The following ESRRB variants were observed in gnomAD, a reference collection of about 807,000 sequenced individuals.
ESRRB encodes estrogen related receptor beta.
In ESRRB, 16 loss-of-function variants were observed where a neutral mutation model predicts 46.0. The observed-to-expected ratio is 0.35, with a 90% CI of 0.24 to 0.53. The LOEUF (loss-of-function observed/expected upper bound fraction) is 0.53, where lower values mean the gene tolerates loss of function less well. Among genes scored for constraint, ESRRB ranks in the 20% least tolerant of loss-of-function variants. The pLI, the probability that ESRRB is intolerant of heterozygous loss-of-function variation, is 0.93. For missense variants in ESRRB, 488 were observed against 607.4 expected (o/e 0.80, Z 2.07); for synonymous variants, 246 against 259.6 (o/e 0.95, Z 0.50).
intron 1 of ESRRB, among the ~76,000 whole-genome samples, chr14:76,326,087 C>G (rs74894758): frequency 1.3e-5 from 2 of 152,220 alleles, no homozygotes; most frequent in Middle Eastern, 3.2e-3. Context: ...GCAATCATAT[C>G]TGTGCTCAGG....
intron 1 of ESRRB, among the ~76,000 whole-genome samples, chr14:76,333,088 AT>A (rs1884066274): frequency 1.1e-4 from 1 of 9,052 alleles, no homozygotes; most frequent in Non-Finnish European, 1.8e-4. Context: ...TATTATTTAT[AT>A]TATATATTAT....
intron 1 of ESRRB, among the ~76,000 whole-genome samples, chr14:76,335,143 G>A (rs910977919): frequency 6.6e-6 from 1 of 152,124 alleles, no homozygotes; most frequent in Non-Finnish European, 1.5e-5. Flanking sequence ...TTGGCAACTC[G>A]CTTTGCACTG....
chr14:76,400,508 A>G (rs1377110096), intron 1 of ESRRB, among the ~76,000 whole-genome samples: 1 of 152,140 alleles, frequency 6.6e-6, no homozygotes, highest in African/African-American at 2.4e-5. Flanking sequence ...GGATGTGAAA[A>G]TGGTTTTTCT....
At chr14:76,408,588 T>A (rs1351906473) in intron 1 of ESRRB, among the ~76,000 whole-genome samples, 1 of 90,736 alleles carries the variant, frequency 1.1e-5, no homozygotes, top group African/African-American at 5.1e-5. Context: ...TGAGACCCTG[T>A]CTCAAAAAAA....
chr14:76,489,480 C>CACACACACACACACACACACACA (rs1890138576), intron 5 of ESRRB, among the ~76,000 whole-genome samples: 6 of 150,690 alleles, frequency 4.0e-5, no homozygotes, highest in East Asian at 2.0e-4. Flanking sequence ...CACACACACA[C>CACACACACACACACACACACACA]CCTGATCCCC....
chr14:76,313,586 G>A (rs1271762123), intron 1 of ESRRB, among the ~76,000 whole-genome samples: 4 of 152,128 alleles, frequency 2.6e-5, no homozygotes, highest in African/African-American at 9.7e-5. Flanking sequence ...TGCAGGAAGA[G>A]GGAATCACAA....
chr14:76,398,262 G>A (rs1885783918), intron 1 of ESRRB, among the ~76,000 whole-genome samples: 2 of 152,224 alleles, frequency 1.3e-5, no homozygotes, highest in Non-Finnish European at 2.9e-5. Flanking sequence ...GGAAATAGGA[G>A]CTCAGAGAGG....
intron 1 of ESRRB, among the ~76,000 whole-genome samples, chr14:76,412,900 G>C (rs910442885): frequency 2.0e-5 from 3 of 152,142 alleles, no homozygotes; most frequent in Admixed American, 1.3e-4. Flanking sequence ...AGGATCACTT[G>C]AACCCAGGAG....
At chr14:76,454,725 G>C (rs559120820) in intron 2 of ESRRB, among the ~76,000 whole-genome samples, 1 of 152,162 alleles carries the variant, frequency 6.6e-6, no homozygotes, top group Non-Finnish European at 1.5e-5. Context: ...TAAAAGGCCT[G>C]GTAGGCTTTG....
chr14:76,357,948 A>C (rs1030070371), intron 1 of ESRRB, among the ~76,000 whole-genome samples: 5 of 152,212 alleles, frequency 3.3e-5, no homozygotes, highest in Non-Finnish European at 7.3e-5. Flanking sequence ...ATTTTGGTGT[A>C]AGTGAGGTGA....
rs1000690262 is a variant in ESRRB, at chr14:76,499,734, G to A, written c.*1276G>A. 3.6e-6 allele frequency: 3 copies of A among 824,500 alleles called. No homozygotes were observed. Among genetic ancestry groups the A allele is most frequent in the African/African-American group, 1.7e-5 (1 of 60,068 alleles). The allele number at this position is 824,500 out of a possible 1,614,324, so 51.1% of individuals were successfully genotyped here. A position where few individuals can be genotyped will look rare whatever the true frequency, so the allele number is the denominator to read the frequency against. ...CCAACCGTCTTGGTTTGTCCAGGACGTTTCTTTATCCCAGGAAACTCCTCT... is the reference window on the plus strand; with the variant it reads ...CCAACCGTCTTGGTTTGTCCAGGACATTTCTTTATCCCAGGAAACTCCTCT... On this transcript the variant is annotated 3_prime_UTR_variant, in exon 7 of 7. Coordinates refer to ENST00000644823, the MANE Select transcript of ESRRB (RefSeq NM_001379180.1).
chr14:76,382,322 G>A (rs773379133), intron 1 of ESRRB, among the ~76,000 whole-genome samples: 5 of 152,228 alleles, frequency 3.3e-5, no homozygotes, highest in African/African-American at 1.2e-4. Context: ...CCTTGGGATT[G>A]GTTCGTCCAT....
chr14:76,371,113 C>G (rs918843298), upstream of ESRRB, among the ~76,000 whole-genome samples: 1 of 152,214 alleles, frequency 6.6e-6, no homozygotes, highest in African/African-American at 2.4e-5. Context: ...AGGACATGAG[C>G]CTTCTTGCCC....
chr14:76,491,879 A>T (rs1890247367), intron 6 of ESRRB, among the ~76,000 whole-genome samples, 163 bp downstream of exon 6: 2 of 152,248 alleles, frequency 1.3e-5, no homozygotes, highest in Admixed American at 1.3e-4. Context: ...GGTGGCCTGC[A>T]GATAAAAAGC....
chr14:76,346,615 G>A (rs1884253475), intron 1 of ESRRB, among the ~76,000 whole-genome samples: 1 of 152,206 alleles, frequency 6.6e-6, no homozygotes, highest in Admixed American at 6.5e-5. Flanking sequence ...CAGCCTCCAT[G>A]CCCCTCCTTC....
intron 1 of ESRRB, among the ~76,000 whole-genome samples, chr14:76,330,065 C>T (rs958637461): frequency 6.6e-6 from 1 of 151,936 alleles, no homozygotes; most frequent in Non-Finnish European, 1.5e-5. Context: ...GAGCGAATGA[C>T]GGACACACCT....
chr14:76,421,583 G>A (rs1886956564), intron 1 of ESRRB, among the ~76,000 whole-genome samples: 1 of 152,226 alleles, frequency 6.6e-6, no homozygotes, highest in Non-Finnish European at 1.5e-5. Flanking sequence ...GTGGAGTAGG[G>A]CAGTTTTTCT....
intron 1 of ESRRB, among the ~76,000 whole-genome samples, chr14:76,324,731 C>T (rs1389598611): frequency 1.3e-5 from 2 of 152,168 alleles, no homozygotes; most frequent in South Asian, 4.1e-4. Context: ...GAATCACTCA[C>T]TGCCACATAC....
chr14:76,464,634 G>A (rs960388063), intron 3 of ESRRB, among the ~76,000 whole-genome samples: 1 of 152,002 alleles, frequency 6.6e-6, no homozygotes, highest in Non-Finnish European at 1.5e-5. Context: ...GGGCTCAACC[G>A]AAAAAACAGT....
Sources: gnomAD v4.1 joint callset for allele counts (sites outside exome capture counted in the v4.1 genomes callset) on GRCh38, gnomAD v4.1.1 for gene constraint, MANE v1.5 for transcripts, NCBI Gene and HGNC (gene_info 2026-07-23, HGNC 2026-07-21) for gene names.